Variants in INSIG2 observed in about 807,000 individuals in gnomAD.
INSIG2 encodes insulin-induced gene 2 protein.
In INSIG2, 10 loss-of-function variants were observed where a neutral mutation model predicts 27.2. The observed-to-expected ratio is 0.37, with a 90% confidence interval of 0.23 to 0.62. The LOEUF (loss-of-function observed/expected upper bound fraction) is 0.62, where lower values mean the gene tolerates loss of function less well. INSIG2 is among the 20% of genes least tolerant of loss of function. The pLI is 0.65. For synonymous variants in INSIG2, 97 were observed against 95.8 expected (o/e 1.01, Z -0.07); for missense variants, 178 against 270.2 (o/e 0.66, Z 2.39).
intron 3 of INSIG2, among the ~76,000 whole-genome samples, chr2:118,103,826 C>A (rs1165837559): frequency 1.3e-5 from 2 of 151,908 alleles, no homozygotes; most frequent in African/African-American, 2.4e-5. Flanking sequence ...CCAACTTAGA[C>A]CTTGGCCAAA....
At chr2:118,090,508 A>G (rs547233423) in intron 1 of INSIG2, among the ~76,000 whole-genome samples, 1 of 152,332 alleles carries the variant, frequency 6.6e-6, no homozygotes, top group South Asian at 2.1e-4. Context: ...ATAGGCAGCC[A>G]TACACCTGGA....
chr2:118,107,889 G>A (rs1290131783), intron 5 of INSIG2, among the ~76,000 whole-genome samples: 3 of 152,072 alleles, frequency 2.0e-5, no homozygotes, highest in Admixed American at 6.6e-5. Context: ...AGTGATCTGA[G>A]TTCACCACAA....
intron 5 of INSIG2, among the ~76,000 whole-genome samples, chr2:118,107,972 G>T (rs1168151067): frequency 6.6e-6 from 1 of 152,050 alleles, no homozygotes; most frequent in Non-Finnish European, 1.5e-5. Flanking sequence ...AACCTGCTTT[G>T]CTTCCTTTCG....
intron 1 of INSIG2, among the ~76,000 whole-genome samples, chr2:118,094,268 A>ATG (rs1553466407): frequency 4.2e-4 from 56 of 133,736 alleles, no homozygotes; most frequent in African/African-American, 1.0e-3. Flanking sequence ...GATGATGATG[A>ATG]AGGAGAGTTC....
At chr2:118,089,116 A>G (rs1410475814) in intron 1 of INSIG2, among the ~76,000 whole-genome samples, 1 of 152,134 alleles carries the variant, frequency 6.6e-6, no homozygotes, top group East Asian at 1.9e-4. Flanking sequence ...CTAGAAGTGG[A>G]TTTGATGATA....
chr2:118,106,172 A>G (rs545263809), intron 3 of INSIG2, among the ~76,000 whole-genome samples: 90 of 152,344 alleles, frequency 5.9e-4, no homozygotes, highest in African/African-American at 2.2e-3. Flanking sequence ...ATAGAAAGGG[A>G]TACTGTGTCC....
intron 5 of INSIG2, among the ~76,000 whole-genome samples, 195 bp from the exon 6 acceptor site, chr2:118,108,086 C>T (rs62164899): frequency 0.048 from 7,304 of 152,164 alleles, 189 homozygotes; most frequent in Middle Eastern, 0.078. Flanking sequence ...TTTTTCACTT[C>T]CAGAATGTGA....
chr2:118,096,775 A>T lies in INSIG2; in HGVS notation c.219A>T (p.Val73=), dbSNP rs940346154. The change falls in exon 2 of 6, where the codon GTA becomes GTT. Residue 73 remains valine (V), a synonymous_variant. Transcript: ENST00000245787. ...GCATCTTTTCTTCTGCATGGTGGGT[A>T]CCCCCATGCTGTGGCACGGCTTCAG... is the stretch of plus-strand genomic sequence containing the variant. ...IASIFSSAWW[V]PPCCGTASAV... is the part of the protein sequence containing the mutation. 1 of 1,613,418 alleles carries T rather than the reference A, an allele frequency of 6.2e-7. No individual in the cohort carries two copies. The highest frequency in any genetic ancestry group is 8.5e-7 in the Non-Finnish European group (1 of 1,180,020).
chr2:118,090,713 A>G (rs1678204155), intron 1 of INSIG2, among the ~76,000 whole-genome samples: 1 of 152,242 alleles, frequency 6.6e-6, no homozygotes, highest in South Asian at 2.1e-4. Context: ...GTTTACCAAC[A>G]TGATTTTAAA....
chr2:118,099,187 TG>T (rs1678483392), intron 2 of INSIG2, among the ~76,000 whole-genome samples: 1 of 152,242 alleles, frequency 6.6e-6, no homozygotes, highest in Non-Finnish European at 1.5e-5. Context: ...GTATATGTGT[TG>T]GCGTGGATTT....
intron 1 of INSIG2, among the ~76,000 whole-genome samples, chr2:118,096,116 T>C (rs945015784): frequency 3.3e-5 from 5 of 152,238 alleles, no homozygotes; most frequent in Non-Finnish European, 7.3e-5. Context: ...TTACCTGTTC[T>C]GCTTTTCTCA....
At chr2:118,091,153 A>G (rs1357266203) in intron 1 of INSIG2, among the ~76,000 whole-genome samples, 1 of 152,242 alleles carries the variant, frequency 6.6e-6, no homozygotes, top group African/African-American at 2.4e-5. Flanking sequence ...CAAAATCAGA[A>G]AAACAAACTT....
intron 2 of INSIG2, among the ~76,000 whole-genome samples, chr2:118,097,685 A>T (rs1678444103): frequency 6.6e-6 from 1 of 152,258 alleles, no homozygotes; most frequent in Non-Finnish European, 1.5e-5. Context: ...ATAATAAAGT[A>T]ATAAAAGGAA....
At chr2:118,096,944 T>A in intron 2 of INSIG2, 144 bp downstream of exon 2, 1 of 892,758 alleles carries the variant, frequency 1.1e-6, no homozygotes, top group Non-Finnish European at 1.6e-6. Flanking sequence ...CCGTTTGAAT[T>A]GAACAACTTG....
In INSIG2 at chr2:118,108,295, T is replaced by C. The variant is rs1156430950; in HGVS notation, c.651T>C (p.Val217=). ...AATTTTTGCAGTACGAATGTAAAGT[T>C]ATCGCAGAAAAATCTCATCAGGAAT... ...GRQLAMYECK[V]IAEKSHQE is the part of the protein sequence containing the mutation. Residue 217 remains valine (V), a synonymous_variant, in exon 6 of 6, where the codon GTT becomes GTC. Coordinates refer to ENST00000245787, the MANE Select transcript of INSIG2 (RefSeq NM_016133.4). The C allele has an allele frequency of 1.9e-6, 3 of 1,595,390 alleles. No individual in the cohort carries two copies. The highest frequency in any genetic ancestry group is 2.6e-6 in the Non-Finnish European group (3 of 1,171,474).
At chr2:118,102,898 A>C (rs1198575529) in intron 2 of INSIG2, among the ~76,000 whole-genome samples, 1 of 152,178 alleles carries the variant, frequency 6.6e-6, no homozygotes, top group Non-Finnish European at 1.5e-5. Flanking sequence ...AGTAGCACGA[A>C]TCATTTAGTC....
At chr2:118,094,050 G>GATGAA (rs1370498938) in intron 1 of INSIG2, among the ~76,000 whole-genome samples, 2 of 100,386 alleles carry the variant, frequency 2.0e-5, no homozygotes, top group Non-Finnish European at 4.2e-5. Flanking sequence ...TGATGATGAT[G>GATGAA]GAGAGTTCTG....
At chr2:118,104,080 C>G (rs930462767) in intron 3 of INSIG2, among the ~76,000 whole-genome samples, 1 of 152,134 alleles carries the variant, frequency 6.6e-6, no homozygotes, top group Non-Finnish European at 1.5e-5. Flanking sequence ...AGAAGAGGAA[C>G]TAGGAAATGC....
Position 118,096,463 on chromosome 2 carries a change from AAGCGTCAGTCTTTGATTCACAGAC to A in INSIG2, c.-91_-68del. On this transcript the variant is annotated 5_prime_UTR_variant, in exon 2 of 6. Transcript: ENST00000245787. ...TTTAGGACAAGATGTGGTACCGTTG[AAGCGTCAGTCTTTGATTCACAGAC>A]AGTTGAGCTTTTCAGCTGGGAAGCC... 7.7e-7 allele frequency: 1 copy of A among 1,297,418 alleles called. No homozygotes were observed. 80.4% of individuals were successfully genotyped at this position (1,297,418 alleles called of 1,614,324 possible).
Sources: gnomAD v4.1 joint callset for allele counts (sites outside exome capture counted in the v4.1 genomes callset) on GRCh38, gnomAD v4.1.1 for gene constraint, MANE v1.5 for transcripts, NCBI Gene and HGNC (gene_info 2026-07-23, HGNC 2026-07-21) for gene names.